The following MPP7 variants were observed in gnomAD, a reference collection of about 807,000 sequenced individuals.
MPP7 encodes MAGUK p55 scaffold protein 7.
Under a neutral mutation model 76.5 loss-of-function variants are expected in MPP7, and 60 were observed. The ratio of observed to expected loss-of-function variants is 0.78; its 90% CI spans 0.64 to 0.97. The LOEUF is 0.97. Ranked by LOEUF, MPP7 falls within the 50% of genes least tolerant of loss-of-function variation. The pLI is 0.00. For missense variants in MPP7, 641 were observed against 694.0 expected, an observed-to-expected ratio of 0.92 and a Z score of 0.86; for synonymous variants, 237 against 244.5, an observed-to-expected ratio of 0.97 and a Z score of 0.29.
chr10:28,287,019 A>G (rs1840804807), intron 1 of MPP7, among the ~76,000 whole-genome samples: 4 of 152,230 alleles, frequency 2.6e-5, no homozygotes, highest in Non-Finnish European at 5.9e-5. Flanking sequence ...CGTTTGATCA[A>G]CAAGCTGAAC....
At position 28,089,684 on chromosome 10, in the gene MPP7, G is replaced by A. The variant is rs11006853; in HGVS notation, c.1110C>T (p.Leu370=). 0.071 allele frequency: 114,799 copies of A among 1,612,154 alleles called. 5,650 individuals carry two copies. The highest frequency in any genetic ancestry group is 0.24 in the East Asian group (10,851 of 44,800). Residue 370 remains leucine, a synonymous_variant, in exon 12 of 17, where the codon CTC becomes CTT. Transcript: ENST00000683449. ...ACAAGCACTTACCAACCAAGACAAC[G>A]AGTCTGTATTTTTCATTAGTTTGTC... ...YRRQTNEKYR[L]VVLVGPVGVG...
At chr10:28,314,778 G>T (rs1841309256) in intron 2 of MPP7, among the ~76,000 whole-genome samples, 1 of 152,122 alleles carries the variant, frequency 6.6e-6, no homozygotes, top group African/African-American at 2.4e-5. Flanking sequence ...CACAAAGTTT[G>T]TAGAAATTTT....
At chr10:28,173,544 G>A (rs566599431) in intron 3 of MPP7, among the ~76,000 whole-genome samples, 32 of 152,278 alleles carry the variant, frequency 2.1e-4, no homozygotes, top group East Asian at 5.8e-4. Context: ...AAGTGGAAGC[G>A]TCCTGAGACC....
At chr10:28,065,101 T>C (rs959998869) in intron 13 of MPP7, among the ~76,000 whole-genome samples, 8 of 152,200 alleles carry the variant, frequency 5.3e-5, no homozygotes, top group Non-Finnish European at 1.2e-4. Context: ...AAGTAAAAAG[T>C]ATTGTTGAAA....
intron 7 of MPP7, among the ~76,000 whole-genome samples, chr10:28,124,618 G>C (rs967684470): frequency 4.6e-5 from 7 of 151,126 alleles, no homozygotes; most frequent in Admixed American, 4.6e-4. Context: ...TGATACTACA[G>C]GTGCCCGCCA....
chr10:28,329,249 T>C (rs893123958), intron 2 of MPP7, among the ~76,000 whole-genome samples: 3 of 152,230 alleles, frequency 2.0e-5, no homozygotes, highest in Non-Finnish European at 2.9e-5. Context: ...TTTATGTTTC[T>C]GGTTTGTTGT....
At chr10:28,116,527 G>C (rs1834668330) in intron 11 of MPP7, among the ~76,000 whole-genome samples, 1 of 151,948 alleles carries the variant, frequency 6.6e-6, no homozygotes, top group South Asian at 2.1e-4. Flanking sequence ...AAATCTATCA[G>C]ACTTTGAGGC....
intron 2 of MPP7, among the ~76,000 whole-genome samples, chr10:28,223,473 A>G (rs549619085): frequency 7.9e-5 from 12 of 152,292 alleles, no homozygotes; most frequent in Admixed American, 6.5e-4. Context: ...TTTTTGCAGA[A>G]ATCTCATTCC....
At chr10:28,212,677 G>A (rs1838179080) in intron 2 of MPP7, among the ~76,000 whole-genome samples, 1 of 152,198 alleles carries the variant, frequency 6.6e-6, no homozygotes, top group Non-Finnish European at 1.5e-5. Flanking sequence ...AGGCGATGCA[G>A]AAGAGAGGAG....
At chr10:28,063,087 AC>A (rs1851856544) in intron 13 of MPP7, among the ~76,000 whole-genome samples, 1 of 152,198 alleles carries the variant, frequency 6.6e-6, no homozygotes, top group African/African-American at 2.4e-5. Flanking sequence ...AATATGTGTA[AC>A]ACATTTATCA....
chr10:28,193,785 T>C (rs1483589000), intron 3 of MPP7, among the ~76,000 whole-genome samples: 1 of 150,950 alleles, frequency 6.6e-6, no homozygotes, highest in Non-Finnish European at 1.5e-5. Context: ...GATGTATAGA[T>C]AAAAAATAAA....
At chr10:28,059,607 A>T (rs1469575967) in intron 14 of MPP7, 43 bp downstream of exon 14, 1 of 1,338,200 alleles carries the variant, frequency 7.5e-7, no homozygotes, top group Admixed American at 1.7e-5. Context: ...GCATGTGCTT[A>T]TAAAAAACAG....
At chr10:28,071,090 G>C (rs1397390684) in intron 12 of MPP7, among the ~76,000 whole-genome samples, 1 of 152,222 alleles carries the variant, frequency 6.6e-6, no homozygotes, top group Non-Finnish European at 1.5e-5. Context: ...ATTTCTAAAA[G>C]TGTGCCTGTT....
intron 2 of MPP7, among the ~76,000 whole-genome samples, chr10:28,220,375 T>C (rs1838460517): frequency 6.6e-6 from 1 of 152,134 alleles, no homozygotes; most frequent in Non-Finnish European, 1.5e-5. Context: ...AACCATCCTT[T>C]CCAAAAATCG....
At chr10:28,199,928 A>C (rs1167534419) in intron 3 of MPP7, among the ~76,000 whole-genome samples, 1 of 152,066 alleles carries the variant, frequency 6.6e-6, no homozygotes, top group Non-Finnish European at 1.5e-5. Flanking sequence ...ACAACTATGA[A>C]AATTCTGTAC....
chr10:28,118,579 T>G (rs1459881992), intron 11 of MPP7: 5 of 985,400 alleles, frequency 5.1e-6, no homozygotes, highest in Non-Finnish European at 4.8e-6. Flanking sequence ...TCATCACGCT[T>G]AAGAACAGTG....
chr10:28,124,061 A>C lies in MPP7; in HGVS notation c.585T>G (p.Asp195Glu). ...TCTGTATTATTTCCTCAGGCCTTTT[A>C]TCCTCCACTGGTATCCCGTTGACTT... is the stretch of plus-strand genomic sequence containing the variant. ...LREVNGIPVE[D>E]KRPEEIIQIL... Residue 195 changes from aspartate to glutamate, a missense_variant, in exon 8 of 17, where the codon GAT becomes GAG. Coordinates refer to ENST00000683449, the MANE Select transcript of MPP7 (RefSeq NM_001318170.2). The C allele has an allele frequency of 6.2e-7, 1 of 1,612,196 alleles. No homozygotes were observed. The highest frequency in any genetic ancestry group is 8.5e-7 in the Non-Finnish European group (1 of 1,178,368).
At chr10:28,282,764 C>T (rs1454221702) in intron 1 of MPP7, among the ~76,000 whole-genome samples, 1 of 151,942 alleles carries the variant, frequency 6.6e-6, no homozygotes, top group Admixed American at 6.6e-5. Flanking sequence ...CTGTGTTACT[C>T]CTCAGTTCAA....
rs1851358398 is a variant in MPP7, at chr10:28,051,508, T to C, written c.*2557A>G. On this transcript the variant is annotated 3_prime_UTR_variant, in exon 17 of 17. Coordinates refer to ENST00000683449, the MANE Select transcript of MPP7 (RefSeq NM_001318170.2). ...AGAATTTACTTTTTGGTCTTGATTT[T>C]TAAATATATGAATTTTAAAAAGTGA... 1 of 152,218 alleles carries C rather than the reference T, an allele frequency of 6.6e-6. No individual in the cohort carries two copies. The highest frequency in any genetic ancestry group is 1.5e-5 in the Non-Finnish European group (1 of 68,038). 9.4% of individuals were successfully genotyped at this position (152,218 alleles called of 1,614,324 possible).
Sources: gnomAD v4.1 joint callset for allele counts (sites outside exome capture counted in the v4.1 genomes callset) on GRCh38, gnomAD v4.1.1 for gene constraint, MANE v1.5 for transcripts, NCBI Gene and HGNC (gene_info 2026-07-23, HGNC 2026-07-21) for gene names.